The following COL4A2 variants were observed in gnomAD, a reference collection of about 807,000 sequenced individuals.
The protein encoded by COL4A2 is collagen alpha-2(IV) chain.
Under a neutral mutation model 200.2 loss-of-function variants are expected in COL4A2, and 99 were observed. The ratio of observed to expected loss-of-function variants is 0.49; its 90% confidence interval spans 0.42 to 0.58. The LOEUF is 0.58. Among genes scored for constraint, COL4A2 ranks in the 20% least tolerant of loss-of-function variants. The pLI is 0.00. For synonymous variants in COL4A2, 897 were observed against 900.6 expected (o/e 1.00, Z 0.07); for missense variants, 1,950 against 2,314.1 (o/e 0.84, Z 3.23).
chr13:110,483,836 G>T (rs1263533206), intron 32 of COL4A2, among the ~76,000 whole-genome samples: 1 of 152,192 alleles, frequency 6.6e-6, no homozygotes, highest in Non-Finnish European at 1.5e-5. Context: ...CAAGTTAGAC[G>T]GTGCTGCTTG....
At chr13:110,485,615 C>A in intron 33 of COL4A2, 40 bp from the exon 34 acceptor site, 1 of 1,511,870 alleles carries the variant, frequency 6.6e-7, no homozygotes, top group Non-Finnish European at 8.9e-7. Context: ...GCGGGTGCTG[C>A]GTCCTCACCA....
chr13:110,446,661 C>CT (rs2139477104), intron 17 of COL4A2, 137 bp from the exon 18 acceptor site: 1 of 681,928 alleles, frequency 1.5e-6, no homozygotes, highest in African/African-American at 1.8e-5. Context: ...CAGGCACTGT[C>CT]TGTGGTTCCA....
intron 45 of COL4A2, among the ~76,000 whole-genome samples, chr13:110,505,293 T>A (rs1417105528): frequency 1.3e-5 from 2 of 151,558 alleles, no homozygotes; most frequent in East Asian, 3.9e-4. Context: ...GAGGTTGCAA[T>A]GAGCCAAGAT....
rs563528424 is a variant in COL4A2, at chr13:110,443,765, C to T, written c.958-2064C>T. ...GGAAGCGGGGTCTCAGGGAGCCCGG[C>T]GGAGCCTCCACTGGGTCCTTCCCGG... is the stretch of plus-strand genomic sequence containing the variant. On this transcript the variant is annotated intron_variant, in intron 16 of 47. Transcript: ENST00000360467. 1.3e-4 allele frequency among the ~76,000 whole-genome samples: 20 copies of T among 152,282 alleles called. No homozygotes were observed. In the South Asian group the frequency reaches 3.1e-3, roughly 24 times the overall value.
At chr13:110,313,347 A>G (rs905161296) in intron 3 of COL4A2, among the ~76,000 whole-genome samples, 2 of 152,130 alleles carry the variant, frequency 1.3e-5, no homozygotes, top group Admixed American at 1.3e-4. Flanking sequence ...CCCTGAAAGG[A>G]GAAGGCGGCA....
intron 4 of COL4A2, among the ~76,000 whole-genome samples, chr13:110,382,392 C>G (rs530336611): frequency 2.6e-5 from 4 of 152,198 alleles, no homozygotes; most frequent in African/African-American, 9.7e-5. Flanking sequence ...CACCCGTCTT[C>G]CGCCCACTTC....
chr13:110,360,161 G>C (rs879659645), intron 4 of COL4A2, among the ~76,000 whole-genome samples: 19 of 152,182 alleles, frequency 1.2e-4, no homozygotes, highest in Non-Finnish European at 2.5e-4. Flanking sequence ...AGCCTTATAT[G>C]GGCATGGATA....
intron 47 of COL4A2, among the ~76,000 whole-genome samples, chr13:110,511,221 T>C (rs192860084): frequency 7.1e-6 from 1 of 141,602 alleles, no homozygotes; most frequent in East Asian, 2.1e-4. Flanking sequence ...CAACAGAAAG[T>C]AGAACTTTAA....
chr13:110,458,176 G>T (rs199637291), intron 21 of COL4A2: 2 of 465,074 alleles, frequency 4.3e-6, no homozygotes, highest in East Asian at 7.0e-5. Flanking sequence ...AGCAGGCACC[G>T]CAGGACCTGG....
In COL4A2 at chr13:110,474,695, G is replaced by A. The variant is rs147507007; in HGVS notation, c.2425+1545G>A. Among the ~76,000 whole-genome samples, 18 of 130,084 alleles carry A rather than the reference G, an allele frequency of 1.4e-4. 6 individuals carry two copies. The East Asian group carries it at 3.3e-3, about 24-fold the overall frequency. The allele number at this position is 130,084 out of a possible 152,430, so 85.3% of individuals were successfully genotyped here. On this transcript the variant is annotated intron_variant, in intron 29 of 47. Transcript: ENST00000360467. ...ACTCCTTACACACGTACCCACACAC[G>A]TGCCTGTGTACACTCACATGATCAC...
At chr13:110,376,412 T>G (rs1313805719) in intron 4 of COL4A2, among the ~76,000 whole-genome samples, 3 of 152,132 alleles carry the variant, frequency 2.0e-5, no homozygotes, top group Non-Finnish European at 4.4e-5. Flanking sequence ...TTAATCATCC[T>G]GCCTTGATTT....
chr13:110,454,988 C>G (rs1881669715), intron 20 of COL4A2, among the ~76,000 whole-genome samples: 1 of 152,124 alleles, frequency 6.6e-6, no homozygotes, highest in Non-Finnish European at 1.5e-5. Context: ...CAGCAGAGCC[C>G]TGGGCTACTC....
At chr13:110,479,731 G>A (rs1206817210) in intron 30 of COL4A2, among the ~76,000 whole-genome samples, 3 of 152,182 alleles carry the variant, frequency 2.0e-5, no homozygotes, top group African/African-American at 4.8e-5. Flanking sequence ...CTGTGGGCGG[G>A]AGCTGCCAAG....
At chr13:110,492,277 GC>G in intron 38 of COL4A2, 100 bp downstream of exon 38, 2 of 1,021,568 alleles carry the variant, frequency 2.0e-6, no homozygotes, top group Non-Finnish European at 2.9e-6. Context: ...GACTTCTAAG[GC>G]CCATACGAGA....
rs1234346277 is a variant in COL4A2 at position 110,436,328 on chromosome 13, C to A, written c.786C>A (p.Ile262=). 4 of 1,613,784 alleles carry A rather than the reference C, an allele frequency of 2.5e-6. No individual in the cohort carries two copies. The African/African-American group carries it at 5.3e-5, about 22-fold the overall frequency. Residue 262 remains isoleucine (I), a synonymous_variant, in exon 13 of 48, where the codon ATC becomes ATA. Coordinates refer to ENST00000360467, the MANE Select transcript of COL4A2 (RefSeq NM_001846.4). ...GIPSDTLHPI[I]APTGVTFHPD... Reference sequence around the variant, plus strand: ...CATCAGACACCCTCCACCCCATCATCGCGCCCACAGGAGTCACCTTCCACC... The same window carrying A: ...CATCAGACACCCTCCACCCCATCATAGCGCCCACAGGAGTCACCTTCCACC...
chr13:110,424,756 C>T lies in COL4A2; in HGVS notation c.203C>T (p.Pro68Leu), dbSNP rs1880401436. Residue 68 changes from proline (P) to leucine (L), a missense_variant, in exon 5 of 48, where the codon CCC becomes CTC. Pro to Leu is a moderately conservative substitution (Grantham distance 98, BLOSUM62 -3). Transcript: ENST00000360467. ...GGRGQPGPVG[P>L]QGYNGPPGLQ... is the part of the protein sequence containing the mutation. The stretch of plus-strand genomic sequence containing the variant: ...CAGGGTCAGCCTGGGCCAGTGGGCC[C>T]CCAGGGGTACAATGGGCCACCAGGA... The T allele has an allele frequency of 5.6e-6, 9 of 1,611,750 alleles. No homozygotes were observed. The highest frequency in any genetic ancestry group is 7.6e-6 in the Non-Finnish European group (9 of 1,178,022).
intron 3 of COL4A2, among the ~76,000 whole-genome samples, chr13:110,336,409 A>G (rs895808294): frequency 1.3e-5 from 2 of 152,248 alleles, no homozygotes; most frequent in Non-Finnish European, 2.9e-5. Flanking sequence ...TATAGGCTCC[A>G]TAAAACAAAA....
intron 4 of COL4A2, among the ~76,000 whole-genome samples, chr13:110,398,087 A>G (rs1335936344): frequency 8.6e-6 from 1 of 116,582 alleles, no homozygotes; most frequent in Non-Finnish European, 1.8e-5. Flanking sequence ...ATCTAAATCA[A>G]AAATCAGATT....
At chr13:110,510,334 C>A (rs1010776313) in intron 47 of COL4A2, among the ~76,000 whole-genome samples, 3 of 152,238 alleles carry the variant, frequency 2.0e-5, no homozygotes, top group African/African-American at 7.2e-5. Context: ...CCTCCCCTCC[C>A]CTCGGTGGCC....
Sources: allele counts gnomAD v4.1 joint callset (sites outside exome capture counted in the v4.1 genomes callset), GRCh38; gene constraint gnomAD v4.1.1; transcripts MANE v1.5; gene names NCBI Gene and HGNC (gene_info 2026-07-23, HGNC 2026-07-21).